Variants in SEL1L observed in about 807,000 individuals in gnomAD.
SEL1L encodes protein sel-1 homolog 1.
In SEL1L, 52 loss-of-function variants were observed where a neutral mutation model predicts 109.8. The ratio of observed to expected loss-of-function variants is 0.47; its 90% CI spans 0.38 to 0.60. The LOEUF is 0.60. Ranked by LOEUF, SEL1L falls within the 20% of genes least tolerant of loss-of-function variation. The pLI, the probability that SEL1L is intolerant of heterozygous loss-of-function variation, is 0.00. For synonymous variants in SEL1L, 373 were observed against 339.6 expected (o/e 1.10, Z -1.08); for missense variants, 749 against 962.2 (o/e 0.78, Z 2.93).
chr14:81,509,723 T>A (rs985486517), intron 3 of SEL1L, among the ~76,000 whole-genome samples: 3 of 152,192 alleles, frequency 2.0e-5, no homozygotes, highest in African/African-American at 4.8e-5. Context: ...AGCAAGTGTA[T>A]GGATTAATAC....
rs1206230785 is a variant in SEL1L, at chr14:81,484,151, AT to A, written c.2046+73del. 9.6e-6 allele frequency: 14 copies of A among 1,463,788 alleles called. No individual in the cohort carries two copies. The African/African-American group carries it at 1.7e-4, about 18-fold the overall frequency. 90.7% of individuals were successfully genotyped at this position (1,463,788 alleles called of 1,614,324 possible). On this transcript the variant is annotated intron_variant, in intron 19 of 20. Coordinates refer to ENST00000336735, the MANE Select transcript of SEL1L (RefSeq NM_005065.6). The stretch of plus-strand genomic sequence containing the variant: ...TCCAACTGAATGTCAAGGAAAGTCT[AT>A]TTTCTATACAAATGCAAGTATTTTC...
At chr14:81,487,643 C>A in intron 15 of SEL1L, 105 bp from the exon 16 acceptor site, 1 of 1,519,758 alleles carries the variant, frequency 6.6e-7, no homozygotes, top group Non-Finnish European at 8.8e-7. Flanking sequence ...AGAATTCTTA[C>A]TGAGTAAATA....
At chr14:81,497,109 T>C (rs1447767726) in intron 10 of SEL1L, among the ~76,000 whole-genome samples, 1 of 152,216 alleles carries the variant, frequency 6.6e-6, no homozygotes, top group Non-Finnish European at 1.5e-5. Context: ...GTAAACTAAA[T>C]TTTACAATAA....
intron 3 of SEL1L, among the ~76,000 whole-genome samples, chr14:81,516,214 G>A (rs943226466): frequency 4.6e-5 from 7 of 152,142 alleles, no homozygotes; most frequent in East Asian, 1.9e-4. Context: ...CACCCTCACC[G>A]AGCCCCGGGT....
chr14:81,484,868 G>C (rs1256919351), intron 18 of SEL1L, among the ~76,000 whole-genome samples: 2 of 152,154 alleles, frequency 1.3e-5, no homozygotes, highest in African/African-American at 4.8e-5. Flanking sequence ...TCAGATAAGG[G>C]ATACTCAACC....
At chr14:81,522,468 C>A (rs1884952029) in intron 3 of SEL1L, among the ~76,000 whole-genome samples, 1 of 152,132 alleles carries the variant, frequency 6.6e-6, no homozygotes, top group African/African-American at 2.4e-5. Flanking sequence ...ACATAATTAC[C>A]ACTGTGTTAC....
At chr14:81,515,960 G>C (rs1300447609) in intron 3 of SEL1L, among the ~76,000 whole-genome samples, 1 of 152,184 alleles carries the variant, frequency 6.6e-6, no homozygotes, top group African/African-American at 2.4e-5. Flanking sequence ...GTGGTTCAAA[G>C]AGGACAGAAA....
Position 81,502,857 on chromosome 14 carries a change from G to T in SEL1L, c.641C>A (p.Ala214Glu), listed in dbSNP as rs1409802259. The part of the protein sequence containing the change: ...REAYRYLQKA[A>E]SMNHTKALER... ...CAGGGCTTTGGTATGGTTCATGCTT[G>T]CTGCCTTTTGGAGATACCGATATGC... The change falls in exon 6 of 21, where the codon GCA (alanine) becomes GAA (glutamate). Residue 214 changes from alanine (A) to glutamate (E), a missense_variant. Transcript: ENST00000336735. 6.2e-7 allele frequency: 1 copy of T among 1,613,242 alleles called. No homozygotes were observed.
At chr14:81,492,339 G>A in intron 12 of SEL1L, 141 bp downstream of exon 12, 1 of 690,316 alleles carries the variant, frequency 1.4e-6, no homozygotes, top group South Asian at 1.8e-5. Flanking sequence ...CCTCAGAACA[G>A]CACTTTAAGA....
chr14:81,527,657 A>T, intron 2 of SEL1L, 44 bp downstream of exon 2: 1 of 1,427,894 alleles, frequency 7.0e-7, no homozygotes, highest in Non-Finnish European at 9.5e-7. Flanking sequence ...TCATCCTTTT[A>T]AATCAGGCAG....
At chr14:81,531,962 G>A (rs1885344050) in intron 1 of SEL1L, among the ~76,000 whole-genome samples, 1 of 152,170 alleles carries the variant, frequency 6.6e-6, no homozygotes, top group Admixed American at 6.5e-5. Context: ...AAATGTTGTG[G>A]CACAGCTTTA....
chr14:81,501,728 A>T (rs1884016625), intron 6 of SEL1L, among the ~76,000 whole-genome samples: 1 of 152,162 alleles, frequency 6.6e-6, no homozygotes, highest in East Asian at 1.9e-4. Flanking sequence ...CCCTAAATCC[A>T]GGTGTCAATC....
intron 20 of SEL1L, among the ~76,000 whole-genome samples, chr14:81,478,219 A>G (rs1903229925): frequency 6.6e-6 from 1 of 152,114 alleles, no homozygotes; most frequent in South Asian, 2.1e-4. Context: ...CAGGTGCTAA[A>G]TTTTTCTGGA....
chr14:81,500,506 GA>G (rs1206532625), intron 6 of SEL1L, among the ~76,000 whole-genome samples: 1 of 151,588 alleles, frequency 6.6e-6, no homozygotes, highest in Non-Finnish European at 1.5e-5. Context: ...AAAGTACTGG[GA>G]TTACAGGCAT....
chr14:81,530,646 A>G lies in SEL1L; in HGVS notation c.71-2908T>C, dbSNP rs201371647. ...TGAGAAAAATTATAACCTTTTCACTATTATCCTGAGAAAATGAAGAAATAT... is the reference window on the plus strand; with the variant it reads ...TGAGAAAAATTATAACCTTTTCACTGTTATCCTGAGAAAATGAAGAAATAT... On this transcript the variant is annotated intron_variant, in intron 1 of 20. Coordinates refer to ENST00000336735, the MANE Select transcript of SEL1L (RefSeq NM_005065.6). Among the ~76,000 whole-genome samples the G allele has an allele frequency of 1.5e-4, 23 of 152,336 alleles. No individual in the cohort carries two copies. The East Asian group carries it at 4.2e-3, about 28-fold the overall frequency.
At chr14:81,482,717 TTAAGG>T (rs1276327524) in intron 19 of SEL1L, among the ~76,000 whole-genome samples, 6 of 152,174 alleles carry the variant, frequency 3.9e-5, no homozygotes, top group African/African-American at 1.4e-4. Flanking sequence ...ATTCTAAGTA[TTAAGG>T]TAAGTTTAAA....
intron 19 of SEL1L, among the ~76,000 whole-genome samples, chr14:81,481,560 T>C (rs914095249): frequency 2.0e-5 from 3 of 152,224 alleles, no homozygotes; most frequent in African/African-American, 7.2e-5. Flanking sequence ...GGTAATTAAA[T>C]AGATTCACTA....
At chr14:81,489,037 A>C (rs968253561) in intron 14 of SEL1L, 13 of 563,138 alleles carry the variant, frequency 2.3e-5, no homozygotes, top group Non-Finnish European at 3.7e-5. Context: ...TACCTCTGGG[A>C]GAAAGTGCCA....
At chr14:81,521,021 C>T (rs139298185) in intron 3 of SEL1L, among the ~76,000 whole-genome samples, 97 of 152,196 alleles carry the variant, frequency 6.4e-4, no homozygotes, top group Admixed American at 9.8e-4. Context: ...ACCCCGCTCA[C>T]GTCTTATGAT....
Sources: gnomAD v4.1 joint callset for allele counts (sites outside exome capture counted in the v4.1 genomes callset) on GRCh38, gnomAD v4.1.1 for gene constraint, MANE v1.5 for transcripts, NCBI Gene and HGNC (gene_info 2026-07-23, HGNC 2026-07-21) for gene names.